SUPV3L1: variants seen among roughly 807,000 people sequenced by gnomAD.
The protein encoded by SUPV3L1 is ATP-dependent RNA helicase SUPV3L1, mitochondrial.
A neutral mutation model predicts 70.0 loss-of-function variants in SUPV3L1; 35 were observed. The ratio of observed to expected loss-of-function variants is 0.50; its 90% CI spans 0.38 to 0.66. SUPV3L1 has a LOEUF of 0.66. Among genes scored for constraint, SUPV3L1 ranks in the 30% least tolerant of loss-of-function variants. The pLI is 0.00. For missense variants in SUPV3L1, 777 were observed against 961.5 expected, an observed-to-expected ratio of 0.81 and a Z score of 2.54; for synonymous variants, 364 against 341.9, an observed-to-expected ratio of 1.06 and a Z score of -0.71.
At chr10:69,199,781 A>G (rs572124031) in intron 10 of SUPV3L1, among the ~76,000 whole-genome samples, 1 of 152,276 alleles carries the variant, frequency 6.6e-6, no homozygotes, top group East Asian at 1.9e-4. Context: ...AGTGCCTATT[A>G]TGCACATGGG....
Position 69,202,881 on chromosome 10 carries a change from C to A in SUPV3L1, c.1614C>A (p.Asp538Glu). ...TTTTCCCCAAGGATATTTTTGTAGA[C>A]TTTTCACAAGTTGATGGGCAGTATT... The part of the protein sequence containing the change: ...TLSNLIDIFV[D>E]FSQVDGQYFV... The change falls in exon 13 of 15, where the codon GAC becomes GAA. Residue 538 changes from aspartate to glutamate, a missense_variant. By Grantham distance (45) the Asp-to-Glu change is conservative. Coordinates refer to ENST00000359655, the MANE Select transcript of SUPV3L1 (RefSeq NM_003171.5). 6.2e-7 allele frequency: 1 copy of A among 1,611,540 alleles called. No homozygotes were observed. The highest frequency in any genetic ancestry group is 1.3e-5 in the African/African-American group (1 of 74,916).
chr10:69,208,462 T>C lies in SUPV3L1; in HGVS notation c.1926-138T>C. On this transcript the variant is annotated intron_variant, in intron 14 of 14. Transcript: ENST00000359655. ...CGATATGTGGGGGCAGAAATCAAGG[T>C]TGAGCAAAGGCACTGAAGAGAGTTT... The C allele has an allele frequency of 3.2e-6, 3 of 944,234 alleles. No individual in the cohort carries two copies. In the South Asian group the frequency reaches 5.0e-5, roughly 16 times the overall value. The allele number at this position is 944,234 out of a possible 1,614,324, so 58.5% of individuals were successfully genotyped here.
Position 69,207,879 on chromosome 10 carries a change from T to C in SUPV3L1, c.1863T>C (p.Asn621=). The C allele has an allele frequency of 6.2e-7, 1 of 1,614,198 alleles. No homozygotes were observed. Among genetic ancestry groups the C allele is most frequent in the Non-Finnish European group, 8.5e-7 (1 of 1,180,040 alleles). The change falls in exon 14 of 15, where the codon AAT becomes AAC. Residue 621 remains asparagine (N), a synonymous_variant. Transcript: ENST00000359655. ...AATGGCCTTTACTTCCACCTAAGAA[T>C]ATTAAAGACCTCATGGATCTTGAAG... The part of the protein sequence containing the change: ...YIKWPLLPPK[N]IKDLMDLEAV...
chr10:69,186,577 C>G (rs761367970), intron 3 of SUPV3L1, 27 bp downstream of exon 3: 6 of 1,550,674 alleles, frequency 3.9e-6, no homozygotes, highest in Non-Finnish European at 5.3e-6. Context: ...TTTTTAAAAT[C>G]CTATTGAACA....
At chr10:69,188,213 G>A (rs568348873) in intron 4 of SUPV3L1, among the ~76,000 whole-genome samples, 326 of 152,224 alleles carry the variant, frequency 2.1e-3, no homozygotes, top group African/African-American at 7.3e-3. Context: ...CCAGGAATTC[G>A]CAGGGAACCC....
intron 13 of SUPV3L1, among the ~76,000 whole-genome samples, chr10:69,206,704 G>T (rs753851194): frequency 6.6e-6 from 1 of 152,118 alleles, no homozygotes; most frequent in Non-Finnish European, 1.5e-5. Context: ...ACCTCAGAGG[G>T]TTTCTATATA....
intron 8 of SUPV3L1, among the ~76,000 whole-genome samples, chr10:69,197,499 A>G (rs1842572259): frequency 6.6e-6 from 1 of 152,160 alleles, no homozygotes; most frequent in Admixed American, 6.5e-5. Flanking sequence ...TTAGAGTTGG[A>G]AGTAACTGGT....
Position 69,198,443 on chromosome 10 carries a change from G to A in SUPV3L1, c.1095G>A (p.Arg365=). 1.2e-6 allele frequency: 2 copies of A among 1,613,916 alleles called. No individual in the cohort carries two copies. The highest frequency in any genetic ancestry group is 1.1e-5 in the South Asian group (1 of 91,052). Residue 365 remains arginine (R), a synonymous_variant, in exon 9 of 15, where the codon CGG becomes CGA. Coordinates refer to ENST00000359655, the MANE Select transcript of SUPV3L1 (RefSeq NM_003171.5). The part of the protein sequence containing the change: ...DHALESLDNL[R]PGDCIVCFSK... Reference sequence around the variant, plus strand: ...CACTAGAATCTTTAGATAACCTTCGGCCTGGGGACTGCATTGTCTGTTTTA... The same window carrying A: ...CACTAGAATCTTTAGATAACCTTCGACCTGGGGACTGCATTGTCTGTTTTA...
chr10:69,190,162 G>A (rs569194530), intron 5 of SUPV3L1, among the ~76,000 whole-genome samples: 10 of 152,134 alleles, frequency 6.6e-5, no homozygotes, highest in Admixed American at 3.3e-4. Flanking sequence ...ATAAAATATT[G>A]TTGCTACTCT....
At chr10:69,184,336 C>G (rs1268905576) in intron 1 of SUPV3L1, among the ~76,000 whole-genome samples, 1 of 152,056 alleles carries the variant, frequency 6.6e-6, no homozygotes, top group African/African-American at 2.4e-5. Context: ...CGAGACCGGC[C>G]TGACCAACAT....
At chr10:69,193,896 A>G (rs1842466739) in intron 6 of SUPV3L1, among the ~76,000 whole-genome samples, 1 of 152,214 alleles carries the variant, frequency 6.6e-6, no homozygotes, top group South Asian at 2.1e-4. Context: ...GCTTTAGAAA[A>G]TGAGATGAGA....
At chr10:69,208,030 GACATAT>G (rs771699407) in intron 14 of SUPV3L1, 89 bp downstream of exon 14, 8 of 1,480,724 alleles carry the variant, frequency 5.4e-6, no homozygotes, top group Non-Finnish European at 7.4e-6. Flanking sequence ...TCAAATTATG[GACATAT>G]TTGCAAGATG....
At chr10:69,198,339 G>A in intron 8 of SUPV3L1, 33 bp from the exon 9 acceptor site, 2 of 1,564,920 alleles carry the variant, frequency 1.3e-6, no homozygotes, top group Admixed American at 1.9e-5. Flanking sequence ...TGAGTTGGGT[G>A]TGTCATTTTG....
At chr10:69,189,788 A>C (rs1346656361) in intron 5 of SUPV3L1, among the ~76,000 whole-genome samples, 1 of 151,650 alleles carries the variant, frequency 6.6e-6, no homozygotes, top group African/African-American at 2.4e-5. Context: ...CTGGGACTAC[A>C]GGCGCCCACC....
In SUPV3L1 at chr10:69,191,742, G is replaced by A; in HGVS notation, c.829G>A (p.Glu277Lys). The change falls in exon 6 of 15, where the codon GAG becomes AAG. Residue 277 changes from glutamate (E) to lysine (K), a missense_variant. Physicochemically the swap from Glu to Lys is moderately conservative, Grantham distance 56. Transcript: ENST00000359655. ...GGCTTCACATGTTTCTTGTACAGTT[G>A]AGATGTGCAGTGTTACAACTCCTTG... ...KQASHVSCTV[E>K]MCSVTTPYEV... 6.2e-7 allele frequency: 1 copy of A among 1,613,754 alleles called. No individual in the cohort carries two copies. Among genetic ancestry groups the A allele is most frequent in the Non-Finnish European group, 8.5e-7 (1 of 1,179,802 alleles).
chr10:69,202,793 A>T, intron 12 of SUPV3L1, 74 bp from the exon 13 acceptor site: 1 of 1,427,750 alleles, frequency 7.0e-7, no homozygotes, highest in Non-Finnish European at 9.6e-7. Flanking sequence ...TCTTTTATAG[A>T]CTTGAGTATG....
chr10:69,193,799 CTT>C (rs1842464900), intron 6 of SUPV3L1, among the ~76,000 whole-genome samples: 2 of 152,128 alleles, frequency 1.3e-5, no homozygotes, highest in South Asian at 4.1e-4. Context: ...TAAATGTTCT[CTT>C]TTCAATTCTG....
intron 6 of SUPV3L1, among the ~76,000 whole-genome samples, chr10:69,193,452 GT>G (rs11321429): frequency 0.2 from 26,066 of 130,750 alleles, 1,613 homozygotes; most frequent in African/African-American, 0.22. Flanking sequence ...TCACGAAGTA[GT>G]TTTTTTTTTT....
intron 11 of SUPV3L1, among the ~76,000 whole-genome samples, chr10:69,201,578 AGGCTTCAG>A (rs1396349103): frequency 1.4e-5 from 2 of 146,646 alleles, no homozygotes; most frequent in Non-Finnish European, 3.0e-5. Flanking sequence ...TCTGTTACTC[AGGCTTCAG>A]TGCTGTGGCA....
Sources: gnomAD v4.1 joint callset for allele counts (sites outside exome capture counted in the v4.1 genomes callset) on GRCh38, gnomAD v4.1.1 for gene constraint, MANE v1.5 for transcripts, NCBI Gene and HGNC (gene_info 2026-07-23, HGNC 2026-07-21) for gene names.